ADAMTS17: variants seen among roughly 807,000 people sequenced by gnomAD.
The protein encoded by ADAMTS17 is ADAM metallopeptidase with thrombospondin type 1 motif 17.
ADAMTS17 carries 113 observed loss-of-function variants against 141.5 expected under a neutral mutation model. That is an observed-to-expected ratio of 0.80 (90% CI 0.69 to 0.93). ADAMTS17 has a LOEUF of 0.93. ADAMTS17 is among the 40% of genes least tolerant of loss of function. ADAMTS17 has a pLI of 0.00. For missense variants in ADAMTS17, 1,659 were observed against 1,517.9 expected, an observed-to-expected ratio of 1.09 and a Z score of -1.54; for synonymous variants, 768 against 630.6, an observed-to-expected ratio of 1.22 and a Z score of -3.27.
At position 100,048,951 on chromosome 15, in the gene ADAMTS17, T is replaced by C. The variant is rs1157032726; in HGVS notation, c.2497A>G (p.Lys833Glu). ...CTGTCGTTCACCAGAGTTGTGGTCT[T>C]GTTGACAATCCGTGTACACGAGACG... ...TIVSCTRIVN[K>E]TTTLVNDSDC... The change falls in exon 18 of 22, where the codon AAG becomes GAG. Residue 833 changes from lysine (K) to glutamate (E), a missense_variant. Lys to Glu is a moderately conservative substitution (Grantham distance 56, BLOSUM62 1). Transcript: ENST00000268070. The C allele has an allele frequency of 6.2e-7, 1 of 1,614,168 alleles. No individual in the cohort carries two copies. Among genetic ancestry groups the C allele is most frequent in the Non-Finnish European group, 8.5e-7 (1 of 1,180,036 alleles).
intron 4 of ADAMTS17, among the ~76,000 whole-genome samples, chr15:100,272,942 T>C (rs1596411486): frequency 6.6e-6 from 1 of 152,088 alleles, no homozygotes; most frequent in Non-Finnish European, 1.5e-5. Flanking sequence ...CCTGTATAAA[T>C]TGGGATGATC....
At chr15:100,036,353 G>A (rs934248138) in intron 18 of ADAMTS17, among the ~76,000 whole-genome samples, 1 of 152,230 alleles carries the variant, frequency 6.6e-6, no homozygotes, top group Non-Finnish European at 1.5e-5. Flanking sequence ...AGGAAGGGGT[G>A]AGAGAAGCAG....
rs73482760 is a variant in ADAMTS17 at position 100,032,195 on chromosome 15, C to G, written c.2591+16662G>C. 8.7e-3 allele frequency among the ~76,000 whole-genome samples: 1,330 copies of G among 152,206 alleles called. 26 individuals are homozygous for G. Among genetic ancestry groups the G allele is most frequent in the African/African-American group, 0.031 (1,273 of 41,500 alleles). Reference sequence around the variant, plus strand: ...GCCTGCCAACTTGCATCACTGGTTACTTGGGGTCTGACTGAGAGTCCCTCC... The same window carrying G: ...GCCTGCCAACTTGCATCACTGGTTAGTTGGGGTCTGACTGAGAGTCCCTCC... On this transcript the variant is annotated intron_variant, in intron 18 of 21. Transcript: ENST00000268070.
chr15:99,977,380 ATATATATATATATATATATAAT>A lies in ADAMTS17; in HGVS notation c.2950-1180_2950-1159del, dbSNP rs1567632291. On this transcript the variant is annotated intron_variant, in intron 20 of 21. Transcript: ENST00000268070. ...TATATATATATATATATATATATATATATATATATATATATATATAATTTTTTTTTTTTTTTTTTTTTTTTTT... is the reference window on the plus strand; with the variant it reads ...TATATATATATATATATATATATATATTTTTTTTTTTTTTTTTTTTTTTTT... Among the ~76,000 whole-genome samples the A allele has an allele frequency of 2.0e-3, 51 of 24,880 alleles. 9 individuals are homozygous for A. The highest frequency in any genetic ancestry group is 2.5e-3 in the Non-Finnish European group (39 of 15,316). The allele number at this position is 24,880 out of a possible 152,430, so 16.3% of individuals were successfully genotyped here.
intron 15 of ADAMTS17, among the ~76,000 whole-genome samples, chr15:100,068,210 C>T (rs887843930): frequency 8.5e-5 from 13 of 152,124 alleles, no homozygotes; most frequent in African/African-American, 1.2e-4. Context: ...GGGGGAGGGG[C>T]GCCCGCCATT....
intron 4 of ADAMTS17, among the ~76,000 whole-genome samples, chr15:100,275,702 G>A (rs554593348): frequency 6.6e-4 from 101 of 152,196 alleles, no homozygotes; most frequent in African/African-American, 2.4e-3. Context: ...CACCAGGTAT[G>A]AGAAGGCAGT....
intron 8 of ADAMTS17, among the ~76,000 whole-genome samples, chr15:100,188,901 G>A (rs368695849): frequency 6.6e-5 from 10 of 152,186 alleles, no homozygotes; most frequent in South Asian, 6.2e-4. Context: ...AAACACCCCC[G>A]CAGAAACAAG....
intron 20 of ADAMTS17, among the ~76,000 whole-genome samples, chr15:99,990,860 AATGCCAC>A (rs1306487007): frequency 2.0e-5 from 3 of 152,230 alleles, no homozygotes; most frequent in Admixed American, 6.5e-5. Flanking sequence ...TTTCAGAAAT[AATGCCAC>A]ACATCTACAA....
Position 100,234,907 on chromosome 15 carries a change from A to G in ADAMTS17, c.1075+19229T>C, listed in dbSNP as rs151103666. 4.5e-3 allele frequency among the ~76,000 whole-genome samples: 693 copies of G among 152,346 alleles called. 2 individuals carry two copies. Among genetic ancestry groups the G allele is most frequent in the African/African-American group, 0.015 (606 of 41,582 alleles). Reference sequence around the variant, plus strand: ...TTGTAACCACGGGGTAGAGGAGACAATAGAAAATATCTGGAATATTGTGCA... The same window carrying G: ...TTGTAACCACGGGGTAGAGGAGACAGTAGAAAATATCTGGAATATTGTGCA... On this transcript the variant is annotated intron_variant, in intron 7 of 21. Transcript: ENST00000268070.
intron 7 of ADAMTS17, among the ~76,000 whole-genome samples, chr15:100,212,008 G>A (rs2041823958): frequency 6.6e-6 from 1 of 152,094 alleles, no homozygotes; most frequent in South Asian, 2.1e-4. Flanking sequence ...CATCCAGGCT[G>A]CATTTCCATG....
At chr15:100,182,831 T>G (rs2040571730) in intron 8 of ADAMTS17, among the ~76,000 whole-genome samples, 1 of 152,242 alleles carries the variant, frequency 6.6e-6, no homozygotes, top group Non-Finnish European at 1.5e-5. Flanking sequence ...TGATGTGCCT[T>G]AGTGTGAATT....
chr15:100,113,346 G>A (rs895452550), intron 13 of ADAMTS17, among the ~76,000 whole-genome samples: 6 of 152,180 alleles, frequency 3.9e-5, no homozygotes, highest in African/African-American at 1.2e-4. Context: ...ACATTTGGCA[G>A]CAAAACCAGC....
chr15:100,211,483 A>G (rs2041808207), intron 7 of ADAMTS17, among the ~76,000 whole-genome samples: 1 of 152,174 alleles, frequency 6.6e-6, no homozygotes, highest in Non-Finnish European at 1.5e-5. Context: ...AACAAACTCA[A>G]AATGGATGAA....
intron 15 of ADAMTS17, among the ~76,000 whole-genome samples, chr15:100,094,605 G>A (rs1454446125): frequency 6.6e-6 from 1 of 152,198 alleles, no homozygotes; most frequent in Non-Finnish European, 1.5e-5. Flanking sequence ...GTTGGCGATG[G>A]GAGTGGGCCT....
intron 18 of ADAMTS17, among the ~76,000 whole-genome samples, chr15:99,998,697 GGAAA>G (rs1284115913): frequency 6.6e-6 from 1 of 152,182 alleles, no homozygotes; most frequent in Non-Finnish European, 1.5e-5. Context: ...TCAGGGCGCT[GGAAA>G]GCAGCTGAGC....
intron 3 of ADAMTS17, among the ~76,000 whole-genome samples, chr15:100,303,233 A>T (rs2045106943): frequency 6.8e-6 from 1 of 147,820 alleles, no homozygotes. Flanking sequence ...TATATTATAT[A>T]TATATTCCAT....
intron 7 of ADAMTS17, among the ~76,000 whole-genome samples, chr15:100,222,247 G>A (rs893791483): frequency 7.2e-5 from 11 of 152,158 alleles, no homozygotes; most frequent in Admixed American, 6.5e-5. Context: ...AAGCACCGAG[G>A]AGGTGCCGCT....
chr15:100,061,033 A>G (rs1188176262), intron 15 of ADAMTS17, among the ~76,000 whole-genome samples: 5 of 152,190 alleles, frequency 3.3e-5, no homozygotes, highest in African/African-American at 1.2e-4. Flanking sequence ...TAAGGCAGGA[A>G]GCCGGCTCCA....
intron 14 of ADAMTS17, among the ~76,000 whole-genome samples, chr15:100,103,462 A>G (rs2036240079): frequency 6.6e-6 from 1 of 152,256 alleles, no homozygotes; most frequent in Non-Finnish European, 1.5e-5. Context: ...ATCTTTGGAC[A>G]GGAAATAGGA....
Sources: gnomAD v4.1 joint callset for allele counts (sites outside exome capture counted in the v4.1 genomes callset) on GRCh38, gnomAD v4.1.1 for gene constraint, MANE v1.5 for transcripts, NCBI Gene and HGNC (gene_info 2026-07-23, HGNC 2026-07-21) for gene names.